The following NFIC variants were observed in gnomAD, a reference collection of about 807,000 sequenced individuals.
The protein encoded by NFIC is nuclear factor 1 C-type.
In NFIC, 12 loss-of-function variants were observed where a neutral mutation model predicts 54.4. That is an observed-to-expected ratio of 0.22 (90% CI 0.14 to 0.36). NFIC has a LOEUF of 0.36. NFIC is among the 10% of genes least tolerant of loss of function. The pLI is 1.00. For synonymous variants in NFIC, 322 were observed against 319.2 expected (o/e 1.01, Z -0.09); for missense variants, 575 against 718.2 (o/e 0.80, Z 2.28).
At position 3,469,168 on chromosome 19, in the gene NFIC, GA is replaced by G. The variant is rs1214311064; in HGVS notation, c.*6405del. The G allele has an allele frequency of 6.6e-6, 1 of 151,362 alleles. No individual in the cohort carries two copies. The allele number at this position is 151,362 out of a possible 1,614,324, so 9.4% of individuals were successfully genotyped here. A position where few individuals can be genotyped will look rare whatever the true frequency, so the allele number is the denominator to read the frequency against. ...CAATAAAAGACAAACAAAAAAAAAA[GA>G]AAAAAGAAAAAAATGTATAAAAATT... is the stretch of plus-strand genomic sequence containing the variant. On this transcript the variant is annotated 3_prime_UTR_variant, in exon 11 of 11. Coordinates refer to ENST00000443272, the MANE Select transcript of NFIC (RefSeq NM_001245002.2).
intron 3 of NFIC, among the ~76,000 whole-genome samples, chr19:3,425,918 C>CTTTTTTTTTTTTTTTT (rs869165549): frequency 1.8e-5 from 1 of 54,488 alleles, no homozygotes; most frequent in Non-Finnish European, 3.1e-5. Flanking sequence ...CCATGCCTGG[C>CTTTTTTTTTTTTTTTT]TTTTTTTTTT....
At chr19:3,408,140 G>A (rs945360977) in intron 2 of NFIC, among the ~76,000 whole-genome samples, 3 of 152,126 alleles carry the variant, frequency 2.0e-5, no homozygotes, top group African/African-American at 4.8e-5. Flanking sequence ...TCAACCAGGC[G>A]AGCTCACGGT....
chr19:3,400,478 GA>G (rs577379816), intron 2 of NFIC, among the ~76,000 whole-genome samples: 13 of 147,412 alleles, frequency 8.8e-5, no homozygotes, highest in East Asian at 4.0e-4. Flanking sequence ...CTCTGTCTCA[GA>G]AAAAAAAAAA....
intron 2 of NFIC, among the ~76,000 whole-genome samples, chr19:3,386,021 T>A (rs1026080256): frequency 6.6e-6 from 1 of 151,676 alleles, no homozygotes; most frequent in African/African-American, 2.4e-5. Flanking sequence ...CTCCTCATTC[T>A]GATTATAATC....
At chr19:3,384,677 C>T (rs1213273937) in intron 2 of NFIC, among the ~76,000 whole-genome samples, 1 of 152,198 alleles carries the variant, frequency 6.6e-6, no homozygotes, top group Non-Finnish European at 1.5e-5. Context: ...GCGTGAGCCA[C>T]CGCGCCCGGC....
At position 3,463,815 on chromosome 19, in the gene NFIC, G is replaced by A; in HGVS notation, c.*1046G>A. On this transcript the variant is annotated 3_prime_UTR_variant, in exon 11 of 11. Coordinates refer to ENST00000443272, the MANE Select transcript of NFIC (RefSeq NM_001245002.2). ...CGCCCCCGTCAGCCCCTGGCGGTGG[G>A]AGGTGAGAGCGAGTGGTTTAAGTGC... 1 of 985,228 alleles carries A rather than the reference G, an allele frequency of 1.0e-6. No homozygotes were observed. Among genetic ancestry groups the A allele is most frequent in the Non-Finnish European group, 1.2e-6 (1 of 829,864 alleles). The allele number at this position is 985,228 out of a possible 1,614,324, so 61.0% of individuals were successfully genotyped here.
chr19:3,362,159 A>T (rs2080819947), upstream of NFIC, among the ~76,000 whole-genome samples: 1 of 152,036 alleles, frequency 6.6e-6, no homozygotes, highest in Non-Finnish European at 1.5e-5. Flanking sequence ...TGTCATTGTG[A>T]TGGTGCGTAT....
At chr19:3,424,679 G>A (rs945308334) in intron 2 of NFIC, among the ~76,000 whole-genome samples, 4 of 152,166 alleles carry the variant, frequency 2.6e-5, no homozygotes, top group South Asian at 2.1e-4. Context: ...CACCGTGCCC[G>A]GCCTGAACTT....
intron 1 of NFIC, among the ~76,000 whole-genome samples, chr19:3,367,045 G>T (rs2145422455): frequency 6.6e-6 from 1 of 151,666 alleles, no homozygotes; most frequent in African/African-American, 2.4e-5. Context: ...TCCAGCAAGG[G>T]CTCTGCGGGA....
intron 3 of NFIC, among the ~76,000 whole-genome samples, chr19:3,427,557 G>A (rs1048584132): frequency 3.9e-5 from 6 of 152,036 alleles, no homozygotes; most frequent in East Asian, 1.9e-4. Context: ...GGCCAAGTGC[G>A]GTGGCTCACG....
chr19:3,444,548 C>T (rs964608766), intron 6 of NFIC, among the ~76,000 whole-genome samples: 36 of 152,178 alleles, frequency 2.4e-4, no homozygotes, highest in Non-Finnish European at 4.4e-5. Context: ...CTGCCGGGAG[C>T]GTGCCGGCTT....
chr19:3,404,586 T>G (rs1018734666), intron 2 of NFIC, among the ~76,000 whole-genome samples: 1 of 151,670 alleles, frequency 6.6e-6, no homozygotes, highest in Admixed American at 6.5e-5. Flanking sequence ...CTTCTCCTGG[T>G]GTCCCCCCAC....
In NFIC at chr19:3,429,249, TATATAC is replaced by T. The variant is rs1451661609; in HGVS notation, c.634+4074_634+4079del. Among the ~76,000 whole-genome samples the T allele has an allele frequency of 2.2e-4, 6 of 27,160 alleles. 1 individual carries two copies. Among genetic ancestry groups the T allele is most frequent in the Admixed American group, 1.9e-3 (4 of 2,092 alleles). The allele number at this position is 27,160 out of a possible 152,430, so 17.8% of individuals were successfully genotyped here. On this transcript the variant is annotated intron_variant, in intron 3 of 10. Coordinates refer to ENST00000443272, the MANE Select transcript of NFIC (RefSeq NM_001245002.2). ...TCTACCCCAAAAAAAAAAAAAAAAA[TATATAC>T]ACACACACACACACACACACACACA...
chr19:3,363,267 A>ATTTTTT (rs1213596166), upstream of NFIC, among the ~76,000 whole-genome samples: 1 of 47,060 alleles, frequency 2.1e-5, no homozygotes, highest in African/African-American at 1.2e-4. Context: ...ATATATATAT[A>ATTTTTT]TATTTTTTTT....
intron 1 of NFIC, among the ~76,000 whole-genome samples, chr19:3,379,985 G>A (rs949489907): frequency 2.7e-5 from 4 of 147,068 alleles, no homozygotes; most frequent in Admixed American, 2.0e-4. Context: ...CTTGGCCGCC[G>A]ACCCTAGTTT....
chr19:3,457,596 C>T (rs560566590), intron 10 of NFIC, among the ~76,000 whole-genome samples: 49 of 152,244 alleles, frequency 3.2e-4, no homozygotes, highest in Admixed American at 4.6e-4. Flanking sequence ...GCCACAGGCC[C>T]GGGAGGTCCA....
chr19:3,426,193 G>A (rs1018648564), intron 3 of NFIC, among the ~76,000 whole-genome samples: 16 of 149,490 alleles, frequency 1.1e-4, no homozygotes, highest in Non-Finnish European at 2.2e-4. Context: ...TCGGCCTCCC[G>A]AAGTACTGGG....
Position 3,464,340 on chromosome 19 carries a change from A to T in NFIC, c.*1571A>T. 1 of 984,600 alleles carries T rather than the reference A, an allele frequency of 1.0e-6. No homozygotes were observed. Among genetic ancestry groups the T allele is most frequent in the Non-Finnish European group, 1.2e-6 (1 of 829,712 alleles). The allele number at this position is 984,600 out of a possible 1,614,324, so 61.0% of individuals were successfully genotyped here. A position where few individuals can be genotyped will look rare whatever the true frequency, so the allele number is the denominator to read the frequency against. ...CCGTGTAGGGGGCCTCCCATCTGCT[A>T]AGCGTTTTTCCGTTGAGCCGCTCCA... On this transcript the variant is annotated 3_prime_UTR_variant, in exon 11 of 11. Coordinates refer to ENST00000443272, the MANE Select transcript of NFIC (RefSeq NM_001245002.2).
chr19:3,397,197 G>A (rs1191210647), intron 2 of NFIC, among the ~76,000 whole-genome samples: 1 of 152,158 alleles, frequency 6.6e-6, no homozygotes, highest in East Asian at 1.9e-4. Context: ...AACAGATGGG[G>A]AAACTGAGGC....
Sources: allele counts gnomAD v4.1 joint callset (sites outside exome capture counted in the v4.1 genomes callset), GRCh38; gene constraint gnomAD v4.1.1; transcripts MANE v1.5; gene names NCBI Gene and HGNC (gene_info 2026-07-23, HGNC 2026-07-21).